The following SMIM12 variants were observed in gnomAD, a reference collection of about 807,000 sequenced individuals.
The protein encoded by SMIM12 is UPF0767 protein C1orf212.
Under a neutral mutation model 6.3 loss-of-function variants are expected in SMIM12, and 5 were observed. The ratio of observed to expected loss-of-function variants is 0.80; its 90% CI spans 0.42 to 1.68. The LOEUF is 1.68. Among genes scored for constraint, SMIM12 ranks in the 40% most tolerant of loss-of-function variants. The probability of loss-of-function intolerance (pLI) is 0.02; values close to 1 mark genes in which losing one functional copy is unlikely to be tolerated. For synonymous variants in SMIM12, 51 were observed against 48.0 expected (o/e 1.06, Z -0.26); for missense variants, 103 against 121.4 (o/e 0.85, Z 0.71).
rs58714634 is a variant in SMIM12, at chr1:34,852,426, T to C, written c.*3273A>G. Among the ~76,000 whole-genome samples the C allele has an allele frequency of 0.19, 26,760 of 141,724 alleles. 2,839 individuals are homozygous for C. The highest frequency in any genetic ancestry group is 0.31 in the African/African-American group (11,699 of 38,230). 93.0% of individuals were successfully genotyped at this position (141,724 alleles called of 152,430 possible). On this transcript the variant is annotated 3_prime_UTR_variant, in exon 2 of 2. Coordinates refer to ENST00000521580, the MANE Select transcript of SMIM12 (RefSeq NM_138428.6). ...CAAAAGTGTTTTGAGGGAAACCAAT[T>C]CTGGGATCTAATATTTGTAACAAGT...
chr1:34,850,982 C>T lies in SMIM12; in HGVS notation c.*4717G>A, dbSNP rs1640916997. 6.6e-6 allele frequency: 1 copy of T among 152,220 alleles called. No homozygotes were observed. Among genetic ancestry groups the T allele is most frequent in the Admixed American group, 6.5e-5 (1 of 15,272 alleles). The allele number at this position is 152,220 out of a possible 1,614,324, so 9.4% of individuals were successfully genotyped here. ...TGAAATATTTCTAAGCAGCCCTCAA[C>T]CACCAGGTCTATGAGGGTCCCTGTT... On this transcript the variant is annotated 3_prime_UTR_variant, in exon 2 of 2. Coordinates refer to ENST00000521580, the MANE Select transcript of SMIM12 (RefSeq NM_138428.6).
At position 34,853,096 on chromosome 1, in the gene SMIM12, C is replaced by G. The variant is rs1638514119; in HGVS notation, c.*2603G>C. The G allele has an allele frequency of 6.6e-6, 1 of 152,402 alleles. No homozygotes were observed. Among genetic ancestry groups the G allele is most frequent in the Non-Finnish European group, 1.5e-5 (1 of 68,178 alleles). The allele number at this position is 152,402 out of a possible 1,614,324, so 9.4% of individuals were successfully genotyped here. A position where few individuals can be genotyped will look rare whatever the true frequency, so the allele number is the denominator to read the frequency against. On this transcript the variant is annotated 3_prime_UTR_variant, in exon 2 of 2. Transcript: ENST00000521580. ...GCCTTAGAAGAAGCCAACGACTCAACCTGCTCCCTCCTCTCAGGCCACCAC... is the reference window on the plus strand; with the variant it reads ...GCCTTAGAAGAAGCCAACGACTCAAGCTGCTCCCTCCTCTCAGGCCACCAC...
chr1:34,859,172 C>T (rs1305061407), intron 1 of SMIM12: 1 of 152,234 alleles, frequency 6.6e-6, no homozygotes, highest in African/African-American at 2.4e-5. Context: ...TATTTCCAGC[C>T]CGGCATGGAG....
chr1:34,856,119 C>T (rs745748903), intron 1 of SMIM12, 137 bp from the exon 2 acceptor site: 54 of 1,080,884 alleles, frequency 5.0e-5, no homozygotes, highest in Middle Eastern at 6.3e-4. Context: ...CTTGCTCTGT[C>T]GCCCAGGCTG....
rs1381214376 is a variant in SMIM12 at position 34,855,377 on chromosome 1, T to C, written c.*322A>G. 1.8e-5 allele frequency: 26 copies of C among 1,467,532 alleles called. No individual in the cohort carries two copies. Among genetic ancestry groups the C allele is most frequent in the Non-Finnish European group, 2.4e-5 (26 of 1,086,828 alleles). The allele number at this position is 1,467,532 out of a possible 1,614,324, so 90.9% of individuals were successfully genotyped here. Reference sequence around the variant, plus strand: ...ACGCCCAAATCCCAGCCATTCCCACTAGAGGCCAAACCGCCTGCCCACAGA... The same window carrying C: ...ACGCCCAAATCCCAGCCATTCCCACCAGAGGCCAAACCGCCTGCCCACAGA... On this transcript the variant is annotated 3_prime_UTR_variant, in exon 2 of 2. Coordinates refer to ENST00000521580, the MANE Select transcript of SMIM12 (RefSeq NM_138428.6).
intron 1 of SMIM12, chr1:34,858,316 T>C (rs1009929857): frequency 5.9e-5 from 9 of 152,194 alleles, no homozygotes; most frequent in African/African-American, 1.9e-4. Flanking sequence ...CTAGAAGTGA[T>C]AGAGCCACTG....
intron 1 of SMIM12, among the ~76,000 whole-genome samples, 172 bp from the exon 2 acceptor site, chr1:34,856,154 C>G (rs1002664294): frequency 1.3e-5 from 2 of 149,062 alleles, no homozygotes; most frequent in African/African-American, 5.0e-5. Flanking sequence ...GATCTCAGCT[C>G]ACCGCACCCT....
Position 34,855,872 on chromosome 1 carries a change from T to C in SMIM12, c.106A>G (p.Arg36Gly). The part of the protein sequence containing the change: ...AVGYHLEWFI[R>G]GKDPQPVEEE... ...TCCACGGGCTGGGGGTCCTTTCCCCTGATGAACCATTCCAGGTGGTAACCC... is the reference window on the plus strand; with the variant it reads ...TCCACGGGCTGGGGGTCCTTTCCCCCGATGAACCATTCCAGGTGGTAACCC... Residue 36 changes from arginine (R) to glycine (G), a missense_variant, in exon 2 of 2, where the codon AGG becomes GGG. Transcript: ENST00000521580. The C allele has an allele frequency of 6.4e-7, 1 of 1,551,652 alleles. No homozygotes were observed. Among genetic ancestry groups the C allele is most frequent in the Non-Finnish European group, 8.7e-7 (1 of 1,146,978 alleles).
In SMIM12 at chr1:34,852,476, A is replaced by AC. The variant is rs1363514979; in HGVS notation, c.*3222_*3223insG. Among the ~76,000 whole-genome samples the AC allele has an allele frequency of 1.0e-4, 15 of 149,742 alleles. No individual in the cohort carries two copies. Among genetic ancestry groups the AC allele is most frequent in the African/African-American group, 3.8e-4 (15 of 39,720 alleles). Reference sequence around the variant, plus strand: ...TTGTTAGATCGCCAAAAAAAAAAAAAAAAAAAAAACCATAATTATAGGTGT... The same window carrying AC: ...TTGTTAGATCGCCAAAAAAAAAAAAACAAAAAAAAACCATAATTATAGGTGT... On this transcript the variant is annotated 3_prime_UTR_variant, in exon 2 of 2. Coordinates refer to ENST00000521580, the MANE Select transcript of SMIM12 (RefSeq NM_138428.6).
chr1:34,851,348 T>C lies in SMIM12; in HGVS notation c.*4351A>G, dbSNP rs1379940096. 6.6e-6 allele frequency: 1 copy of C among 152,216 alleles called. No individual in the cohort carries two copies. Among genetic ancestry groups the C allele is most frequent in the Non-Finnish European group, 1.5e-5 (1 of 68,042 alleles). The allele number at this position is 152,216 out of a possible 1,614,324, so 9.4% of individuals were successfully genotyped here. Reference sequence around the variant, plus strand: ...GACTTGCCCAAGGTCATCCAGTTAATTGTTAAGGCAGTATTCATAACTCGA... The same window carrying C: ...GACTTGCCCAAGGTCATCCAGTTAACTGTTAAGGCAGTATTCATAACTCGA... On this transcript the variant is annotated 3_prime_UTR_variant, in exon 2 of 2. Coordinates refer to ENST00000521580, the MANE Select transcript of SMIM12 (RefSeq NM_138428.6).
rs1370612578 is a variant in SMIM12, at chr1:34,855,560, A to C, written c.*139T>G. 1 of 1,612,840 alleles carries C rather than the reference A, an allele frequency of 6.2e-7. No individual in the cohort carries two copies. Among genetic ancestry groups the C allele is most frequent in the South Asian group, 1.1e-5 (1 of 90,248 alleles). On this transcript the variant is annotated 3_prime_UTR_variant, in exon 2 of 2. Coordinates refer to ENST00000521580, the MANE Select transcript of SMIM12 (RefSeq NM_138428.6). ...TCTGCCTGGCCATCAAGGAGCAGCC[A>C]GTATTTGTGTGGCTGTGTGGTGTGG...
chr1:34,851,733 G>A lies in SMIM12; in HGVS notation c.*3966C>T, dbSNP rs1640934554. On this transcript the variant is annotated 3_prime_UTR_variant, in exon 2 of 2. Coordinates refer to ENST00000521580, the MANE Select transcript of SMIM12 (RefSeq NM_138428.6). ...CAGACACTGAACCGCTGCAGGGAGA[G>A]AAGTGATTCCTGCCGTGCTCGGAGA... Among the ~76,000 whole-genome samples, 1 of 152,186 alleles carries A rather than the reference G, an allele frequency of 6.6e-6. No individual in the cohort carries two copies. Among genetic ancestry groups the A allele is most frequent in the African/African-American group, 2.4e-5 (1 of 41,438 alleles).
At position 34,859,692 on chromosome 1, in the gene SMIM12, C is replaced by T. The variant is rs1448977796; in HGVS notation, c.-21G>A. On this transcript the variant is annotated 5_prime_UTR_variant, in exon 1 of 2. It adds an upstream start codon to the 5' untranslated region. Transcript: ENST00000521580. ...GCGCGCTCACCTGCGGCCCAGCCCA[C>T]ACTCCCCAGTGCGGCCCCCGCTCTC... The T allele has an allele frequency of 1.3e-5, 2 of 152,580 alleles. No individual in the cohort carries two copies. The highest frequency in any genetic ancestry group is 2.9e-5 in the Non-Finnish European group (2 of 68,336). The allele number at this position is 152,580 out of a possible 1,614,324, so 9.5% of individuals were successfully genotyped here. A position where few individuals can be genotyped will look rare whatever the true frequency, so the allele number is the denominator to read the frequency against.
Position 34,855,685 on chromosome 1 carries a change from C to T in SMIM12, c.*14G>A. 1.2e-6 allele frequency: 2 copies of T among 1,613,112 alleles called. No individual in the cohort carries two copies. Among genetic ancestry groups the T allele is most frequent in the Non-Finnish European group, 1.7e-6 (2 of 1,179,074 alleles). On this transcript the variant is annotated 3_prime_UTR_variant, in exon 2 of 2. Transcript: ENST00000521580. ...CACCACCCACAGTAGGACCATAGGGCCCTGTGTCCTCCATTAATTCTTCTC... is the reference window on the plus strand; with the variant it reads ...CACCACCCACAGTAGGACCATAGGGTCCTGTGTCCTCCATTAATTCTTCTC...
chr1:34,854,550 CAG>C lies in SMIM12; in HGVS notation c.*1147_*1148del, dbSNP rs1638579118. On this transcript the variant is annotated 3_prime_UTR_variant, in exon 2 of 2. Transcript: ENST00000521580. ...TTGTACTGCACTCCAGCCTGTGTGA[CAG>C]AGTGAGACCCTGTCTCCAAAAAACC... 1 of 152,420 alleles carries C rather than the reference CAG, an allele frequency of 6.6e-6. No homozygotes were observed. Among genetic ancestry groups the C allele is most frequent in the African/African-American group, 2.4e-5 (1 of 41,364 alleles). The allele number at this position is 152,420 out of a possible 1,614,324, so 9.4% of individuals were successfully genotyped here.
intron 1 of SMIM12, chr1:34,857,255 TGGGGTGGGGC>T (rs1165444445): frequency 4.2e-4 from 1 of 2,384 alleles, no homozygotes; most frequent in Admixed American, 4.9e-3. Context: ...TGGGGTGGGG[TGGGGTGGGGC>T]GGGGAGCGGA....
chr1:34,854,929 T>G lies in SMIM12; in HGVS notation c.*770A>C. On this transcript the variant is annotated 3_prime_UTR_variant, in exon 2 of 2. Coordinates refer to ENST00000521580, the MANE Select transcript of SMIM12 (RefSeq NM_138428.6). ...CAGTGCAACCGCACTAGTAAAGCAG[T>G]TTCCAGGGCTCCTTGGCACCCTTTA... 1 of 571,778 alleles carries G rather than the reference T, an allele frequency of 1.7e-6. No individual in the cohort carries two copies. Among genetic ancestry groups the G allele is most frequent in the Non-Finnish European group, 2.5e-6 (1 of 395,272 alleles). The allele number at this position is 571,778 out of a possible 1,614,324, so 35.4% of individuals were successfully genotyped here. A position where few individuals can be genotyped will look rare whatever the true frequency, so the allele number is the denominator to read the frequency against.
In SMIM12 at chr1:34,850,974, G is replaced by A. The variant is rs1640916888; in HGVS notation, c.*4725C>T. The A allele has an allele frequency of 6.6e-6, 1 of 152,176 alleles. No individual in the cohort carries two copies. Among genetic ancestry groups the A allele is most frequent in the African/African-American group, 2.4e-5 (1 of 41,418 alleles). The allele number at this position is 152,176 out of a possible 1,614,324, so 9.4% of individuals were successfully genotyped here. On this transcript the variant is annotated 3_prime_UTR_variant, in exon 2 of 2. Transcript: ENST00000521580. The stretch of plus-strand genomic sequence containing the variant: ...TCTCTCTGTGAAATATTTCTAAGCA[G>A]CCCTCAACCACCAGGTCTATGAGGG...
In SMIM12 at chr1:34,850,737, C is replaced by T. The variant is rs1477815205; in HGVS notation, c.*4962G>A. ...GAAACCAAGGCCAGTAGAGGTGAAG[C>T]GGCATACCCCAGGTCATCACTCAGA... On this transcript the variant is annotated 3_prime_UTR_variant, in exon 2 of 2. Transcript: ENST00000521580. 1.3e-5 allele frequency: 2 copies of T among 152,206 alleles called. No homozygotes were observed. Among genetic ancestry groups the T allele is most frequent in the Non-Finnish European group, 2.9e-5 (2 of 68,048 alleles). The allele number at this position is 152,206 out of a possible 1,614,324, so 9.4% of individuals were successfully genotyped here. A position where few individuals can be genotyped will look rare whatever the true frequency, so the allele number is the denominator to read the frequency against.
Sources: allele counts gnomAD v4.1 joint callset (sites outside exome capture counted in the v4.1 genomes callset), GRCh38; gene constraint gnomAD v4.1.1; transcripts MANE v1.5; gene names NCBI Gene and HGNC (gene_info 2026-07-23, HGNC 2026-07-21).